The following MAP3K6 variants were observed in gnomAD, a reference collection of about 807,000 sequenced individuals.
MAP3K6 encodes the protein apoptosis signal-regulating kinase 2.
In MAP3K6, 105 loss-of-function variants were observed where a neutral mutation model predicts 147.1. That is an observed-to-expected ratio of 0.71 (90% CI 0.61 to 0.84). The LOEUF is 0.84. MAP3K6 is among the 40% of genes least tolerant of loss of function. The probability of loss-of-function intolerance (pLI) is 0.00; values close to 1 mark genes in which losing one functional copy is unlikely to be tolerated. For missense variants in MAP3K6, 1,569 were observed against 1,715.0 expected (o/e 0.91, Z 1.50); for synonymous variants, 695 against 732.4 (o/e 0.95, Z 0.82).
chr1:27,364,463 C>T lies in MAP3K6; in HGVS notation c.505-69G>A. The T allele has an allele frequency of 6.3e-7, 1 of 1,578,076 alleles. No homozygotes were observed. The highest frequency in any genetic ancestry group is 1.3e-5 in the African/African-American group (1 of 74,296). ...CAGGGCTAGACAAGGGGAGTGAGAG[C>T]ATCAAAGGTCAGCATCAGTGGGAAT... On this transcript the variant is annotated intron_variant, in intron 3 of 28. Transcript: ENST00000357582. The surrounding 1 kb of genome is among the most constrained non-coding windows in gnomAD (Gnocchi z 4.4).
At position 27,362,834 on chromosome 1, in the gene MAP3K6, C is replaced by T; in HGVS notation, c.1142+17G>A. On this transcript the variant is annotated intron_variant, in intron 7 of 28. Transcript: ENST00000357582. ...ATCTCACAGCTTAGCCCACCGGCCA[C>T]TCACTGTGCTCTTTACCAGTGATAG... The T allele has an allele frequency of 6.2e-7, 1 of 1,613,288 alleles. No individual in the cohort carries two copies. Among genetic ancestry groups the T allele is most frequent in the African/African-American group, 1.3e-5 (1 of 75,038 alleles).
chr1:27,358,884 G>T lies in MAP3K6; in HGVS notation c.2426-18C>A. 1 of 1,546,078 alleles carries T rather than the reference G, an allele frequency of 6.5e-7. No individual in the cohort carries two copies. The highest frequency in any genetic ancestry group is 8.7e-7 in the Non-Finnish European group (1 of 1,146,336). On this transcript the variant is annotated intron_variant, in intron 18 of 28. Transcript: ENST00000357582. This position sits in a 1 kb window ranked among gnomAD's most constrained non-coding sequence, Gnocchi z 6.2. ...CAGAGTTCCTAGGACAGAAACAGGA[G>T]CACCAATGCCCATCTAGGCTTCATC...
rs370352636 is a variant in MAP3K6 at position 27,357,117 on chromosome 1, G to A, written c.3259-3C>T. On this transcript the variant is annotated splice_region_variant and splice_polypyrimidine_tract_variant and intron_variant, in intron 23 of 28. Coordinates refer to ENST00000357582, the MANE Select transcript of MAP3K6 (RefSeq NM_004672.5). ...CGCTTGCGGAGGATCTGCTTCACCT[G>A]CAGGGGGAGGGAGGCGCCGCTGAGA... The A allele has an allele frequency of 9.9e-6, 16 of 1,612,194 alleles. No individual in the cohort carries two copies. Among genetic ancestry groups the A allele is most frequent in the Admixed American group, 5.0e-5 (3 of 60,006 alleles).
chr1:27,360,017 C>T lies in MAP3K6; in HGVS notation c.2183-23G>A, dbSNP rs375860700. 4 of 1,613,072 alleles carry T rather than the reference C, an allele frequency of 2.5e-6. No homozygotes were observed. Among genetic ancestry groups the T allele is most frequent in the African/African-American group, 2.7e-5 (2 of 74,846 alleles). ...TGCCTGGGTGGGGACAGTCCAAGTT[C>T]ATTCTTCCCACCCACTGGCTCCAGC... is the stretch of plus-strand genomic sequence containing the variant. On this transcript the variant is annotated intron_variant, in intron 16 of 28. Coordinates refer to ENST00000357582, the MANE Select transcript of MAP3K6 (RefSeq NM_004672.5). This position sits in a 1 kb window ranked among gnomAD's most constrained non-coding sequence, Gnocchi z 4.5.
Position 27,358,018 on chromosome 1 carries a change from C to A in MAP3K6, c.2916-142G>T, listed in dbSNP as rs976033155. On this transcript the variant is annotated intron_variant, in intron 21 of 28. Coordinates refer to ENST00000357582, the MANE Select transcript of MAP3K6 (RefSeq NM_004672.5). This position sits in a 1 kb window ranked among gnomAD's most constrained non-coding sequence, Gnocchi z 6.2. ...AGATAAACCCCGCACTGAGAGGACA[C>A]AACAAGTCCAAGTTAGAGTTGCCAG... The A allele has an allele frequency of 1.6e-4, 239 of 1,478,022 alleles. No individual in the cohort carries two copies. Among genetic ancestry groups the A allele is most frequent in the Admixed American group, 5.2e-5 (2 of 38,176 alleles). 91.6% of individuals were successfully genotyped at this position (1,478,022 alleles called of 1,614,324 possible).
At chr1:27,365,503 C>T (rs184450574) in intron 1 of MAP3K6, among the ~76,000 whole-genome samples, 1 of 152,226 alleles carries the variant, frequency 6.6e-6, no homozygotes, top group African/African-American at 2.4e-5. Context: ...CATGGACATC[C>T]AGGAAGCACA....
At position 27,358,245 on chromosome 1, in the gene MAP3K6, G is replaced by T. The variant is rs1359744970; in HGVS notation, c.2851C>A (p.Pro951Thr). ...GGGGGGCTGGGTGGGTGCTGAGAGG[G>T]TGCCTGAGGGCACGGGAATGTCTGA... Reference protein sequence around the residue: ...QSQTFPCPQAPSQHPPSPPKR... With the variant: ...QSQTFPCPQATSQHPPSPPKR... Residue 951 changes from proline to threonine, a missense_variant, in exon 21 of 29, where the codon CCC becomes ACC. Physicochemically the swap from Pro to Thr is conservative, Grantham distance 38 (BLOSUM62 -1). Transcript: ENST00000357582. The surrounding 1 kb of genome is among the most constrained non-coding windows in gnomAD (Gnocchi z 6.2). The T allele has an allele frequency of 9.4e-6, 15 of 1,600,364 alleles. No individual in the cohort carries two copies. Among genetic ancestry groups the T allele is most frequent in the Non-Finnish European group, 1.3e-5 (15 of 1,176,508 alleles).
chr1:27,356,260 C>T (rs2015517606), intron 26 of MAP3K6, 128 bp downstream of exon 26: 3 of 1,109,908 alleles, frequency 2.7e-6, no homozygotes, highest in Admixed American at 4.5e-5. Context: ...CTCGAACCCA[C>T]CAATAATGTT....
chr1:27,356,113 G>A lies in MAP3K6; in HGVS notation c.3638-14C>T, dbSNP rs1167906418. On this transcript the variant is annotated splice_polypyrimidine_tract_variant and intron_variant, in intron 26 of 28. Transcript: ENST00000357582. The stretch of plus-strand genomic sequence containing the variant: ...TTGAAAGAGCAGCTGTCAAGAAGCA[G>A]TCAGGTGATGAGCCCAAGAGTGCCT... 4 of 1,612,344 alleles carry A rather than the reference G, an allele frequency of 2.5e-6. No homozygotes were observed. The Admixed American group carries it at 5.0e-5, about 20-fold the overall frequency.
Position 27,364,419 on chromosome 1 carries a change from G to A in MAP3K6, c.505-25C>T. 6.2e-7 allele frequency: 1 copy of A among 1,612,826 alleles called. No homozygotes were observed. The highest frequency in any genetic ancestry group is 8.5e-7 in the Non-Finnish European group (1 of 1,179,242). On this transcript the variant is annotated intron_variant, in intron 3 of 28. Transcript: ENST00000357582. The surrounding 1 kb of genome is among the most constrained non-coding windows in gnomAD (Gnocchi z 4.4). Reference sequence around the variant, plus strand: ...CCTGGTGGGAGGGAGGCAGGAATCAGTGAGGTCAGAGGTCAGCACAGGGCT... The same window carrying A: ...CCTGGTGGGAGGGAGGCAGGAATCAATGAGGTCAGAGGTCAGCACAGGGCT...
intron 1 of MAP3K6, 89 bp from the exon 2 acceptor site, chr1:27,365,001 T>C: frequency 7.1e-7 from 1 of 1,402,434 alleles, no homozygotes. Context: ...CCTGCCTTGC[T>C]GTGGGACTCC....
chr1:27,357,919 C>T (rs1446221833), intron 21 of MAP3K6, 43 bp from the exon 22 acceptor site: 11 of 1,536,364 alleles, frequency 7.2e-6, no homozygotes, highest in South Asian at 2.4e-5. Flanking sequence ...GGGCAGCAAC[C>T]GGCCAGTCAC....
At position 27,366,849 on chromosome 1, in the gene MAP3K6, C is replaced by A; in HGVS notation, c.-252G>T. The A allele has an allele frequency of 6.1e-6, 1 of 165,020 alleles. No homozygotes were observed. The highest frequency in any genetic ancestry group is 1.3e-5 in the Non-Finnish European group (1 of 78,736). The allele number at this position is 165,020 out of a possible 1,614,324, so 10.2% of individuals were successfully genotyped here. The stretch of plus-strand genomic sequence containing the variant: ...ATTGGGTCCCAGGAATCTGGGGCAT[C>A]CGGTGATCGGCAGCTCAGAGCCACT... On this transcript the variant is annotated 5_prime_UTR_variant, in exon 1 of 29. Transcript: ENST00000357582. The surrounding 1 kb of genome is among the most constrained non-coding windows in gnomAD (Gnocchi z 5.5).
At position 27,355,403 on chromosome 1, in the gene MAP3K6, G is replaced by A; in HGVS notation, c.3855C>T (p.Thr1285=). 1 of 1,614,098 alleles carries A rather than the reference G, an allele frequency of 6.2e-7. No homozygotes were observed. The highest frequency in any genetic ancestry group is 8.5e-7 in the Non-Finnish European group (1 of 1,179,958). Residue 1285 remains threonine (T), a synonymous_variant, in exon 29 of 29, where the codon ACC becomes ACT. Coordinates refer to ENST00000357582, the MANE Select transcript of MAP3K6 (RefSeq NM_004672.5). ...LAQRAGSTPV[T]SGP ...CCTCATTCAGCTCTCAGGGTCCAGA[G>A]GTGACTGGTGTGGATCCTGCTCGCT...
Position 27,361,202 on chromosome 1 carries a change from G to GC in MAP3K6, c.1786dup (p.Ala596GlyfsTer47). 1.9e-6 allele frequency: 3 copies of GC among 1,613,036 alleles called. No homozygotes were observed. Among genetic ancestry groups the GC allele is most frequent in the Non-Finnish European group, 2.5e-6 (3 of 1,179,796 alleles). On this transcript the variant is annotated frameshift_variant, in exon 13 of 29. Transcript: ENST00000357582. LOFTEE classifies it high-confidence loss of function. ...GGGGAAGCACAGCTGGACGTCCTGA[G>GC]CCGGGGGGAGTGCATAGAGGAAGCA...
In MAP3K6 at chr1:27,357,380, C is replaced by T; in HGVS notation, c.3258+20G>A. ...ACTACCTGTTGTTGGGCAGCTCTAA[C>T]TACCAGAAGGCGCCCTCACCGCATC... On this transcript the variant is annotated intron_variant, in intron 23 of 28. Transcript: ENST00000357582. 6.3e-7 allele frequency: 1 copy of T among 1,586,028 alleles called. No individual in the cohort carries two copies. The highest frequency in any genetic ancestry group is 8.6e-7 in the Non-Finnish European group (1 of 1,162,790).
chr1:27,361,670 C>G, intron 10 of MAP3K6, 35 bp downstream of exon 10: 7 of 1,614,088 alleles, frequency 4.3e-6, no homozygotes, highest in Non-Finnish European at 5.9e-6. Flanking sequence ...AGGGGCTTAC[C>G]CCTTTCCCGG....
At position 27,362,095 on chromosome 1, in the gene MAP3K6, T is replaced by G. The variant is rs748238723; in HGVS notation, c.1411A>C (p.Ile471Leu). 1.9e-6 allele frequency: 3 copies of G among 1,610,008 alleles called. No homozygotes were observed. The Admixed American group carries it at 5.0e-5, about 27-fold the overall frequency. Residue 471 changes from isoleucine to leucine, a missense_variant, in exon 9 of 29, where the codon ATA (isoleucine) becomes CTA (leucine). Physicochemically the swap from Ile to Leu is conservative, Grantham distance 5. Coordinates refer to ENST00000357582, the MANE Select transcript of MAP3K6 (RefSeq NM_004672.5). ...AATGCAGAGGGGGCCACCTACCATA[T>G]GGGGGCATTGAGCTTATACAGCTGC... is the stretch of plus-strand genomic sequence containing the variant. ...AEQLYKLNAP[I>L]WYLVSVMETF...
chr1:27,356,291 G>A, intron 26 of MAP3K6, 97 bp downstream of exon 26: 1 of 1,250,766 alleles, frequency 8.0e-7, no homozygotes, highest in South Asian at 1.4e-5. Flanking sequence ...GGCCCGCTCA[G>A]GTGATGAGCC....
Sources: gnomAD v4.1 joint callset for allele counts (sites outside exome capture counted in the v4.1 genomes callset) on GRCh38, gnomAD v4.1.1 for gene constraint, Gnocchi (gnomAD v3.1) non-coding constraint, MANE v1.5 for transcripts, NCBI Gene and HGNC (gene_info 2026-07-23, HGNC 2026-07-21) for gene names.